The following DMRTB1 variants were observed in gnomAD, a reference collection of about 807,000 sequenced individuals.
DMRTB1 encodes DMRT like family B with proline rich C-terminal 1, also known as doublesex- and mab-3-related transcription factor B1.
A neutral mutation model predicts 25.2 loss-of-function variants in DMRTB1; 9 were observed. The ratio of observed to expected loss-of-function variants is 0.36; its 90% confidence interval spans 0.22 to 0.62. The LOEUF (loss-of-function observed/expected upper bound fraction) is 0.62. DMRTB1 is among the 20% of genes least tolerant of loss of function. The pLI is 0.71. For missense variants in DMRTB1, 551 were observed against 499.3 expected (o/e 1.10, Z -0.99); for synonymous variants, 269 against 238.1 (o/e 1.13, Z -1.20).
chr1:53,461,023 A>G (rs1487147994), intron 1 of DMRTB1, among the ~76,000 whole-genome samples: 1 of 152,166 alleles, frequency 6.6e-6, no homozygotes, highest in Non-Finnish European at 1.5e-5. Flanking sequence ...GAGCCGAACC[A>G]TGAGCCAGGC....
Position 53,461,646 on chromosome 1 carries a change from G to T in DMRTB1, c.750+1G>T. ...CAGCCAGTACCAAGGCGGAGGCTTG[G>T]TGAGTCCCACCCCTCACTTCTTGCC... On this transcript the variant is annotated splice_donor_variant, in intron 2 of 3. Coordinates refer to ENST00000371445, the MANE Select transcript of DMRTB1 (RefSeq NM_033067.3). LOFTEE classifies it high-confidence loss of function. The T allele has an allele frequency of 6.3e-7, 1 of 1,580,428 alleles. No individual in the cohort carries two copies. The highest frequency in any genetic ancestry group is 8.6e-7 in the Non-Finnish European group (1 of 1,164,038).
At chr1:53,460,720 C>G (rs1054503710) in intron 1 of DMRTB1, among the ~76,000 whole-genome samples, 1 of 152,220 alleles carries the variant, frequency 6.6e-6, no homozygotes, top group Admixed American at 6.5e-5. Flanking sequence ...ACATTTGAAG[C>G]TTTAGAAGCC....
In DMRTB1 at chr1:53,459,578, T is replaced by G. The variant is rs146660956; in HGVS notation, c.125T>G (p.Leu42Arg). Residue 42 changes from leucine to arginine, a missense_variant, in exon 1 of 4, where the codon CTG becomes CGG. Leu to Arg is a moderately radical substitution (Grantham distance 102, BLOSUM62 -2). Transcript: ENST00000371445. ...CAGTGCCTCTGCGAGAAGTGCTACC[T>G]GATCTCCGAGCGCCAGAAGATCATG... ...WKQCLCEKCY[L>R]ISERQKIMAA... 43 of 1,606,216 alleles carry G rather than the reference T, an allele frequency of 2.7e-5. No homozygotes were observed. The highest frequency in any genetic ancestry group is 3.4e-5 in the Non-Finnish European group (40 of 1,176,776).
In DMRTB1 at chr1:53,466,780, C is replaced by T; in HGVS notation, c.*118C>T. 1 of 1,005,870 alleles carries T rather than the reference C, an allele frequency of 9.9e-7. No individual in the cohort carries two copies. Among genetic ancestry groups the T allele is most frequent in the Non-Finnish European group, 1.5e-6 (1 of 651,058 alleles). The allele number at this position is 1,005,870 out of a possible 1,614,324, so 62.3% of individuals were successfully genotyped here. A position where few individuals can be genotyped will look rare whatever the true frequency, so the allele number is the denominator to read the frequency against. On this transcript the variant is annotated 3_prime_UTR_variant, in exon 4 of 4. Coordinates refer to ENST00000371445, the MANE Select transcript of DMRTB1 (RefSeq NM_033067.3). ...AGGAGGTTGATAGCATAGATGGCAA[C>T]TGATTCCCAGTTTAAGATAGGAGGA...
rs148945511 is a variant in DMRTB1 at position 53,459,604 on chromosome 1, G to A, written c.151G>A (p.Ala51Thr). 28 of 1,589,332 alleles carry A rather than the reference G, an allele frequency of 1.8e-5. No homozygotes were observed. The highest frequency in any genetic ancestry group is 2.7e-5 in the African/African-American group (2 of 74,446). The change falls in exon 1 of 4, where the codon GCC becomes ACC. Residue 51 changes from alanine to threonine, a missense_variant. Coordinates refer to ENST00000371445, the MANE Select transcript of DMRTB1 (RefSeq NM_033067.3). ...GATCTCCGAGCGCCAGAAGATCATG[G>A]CCGCGCAGAAGGTGCTCAAGACGCA... ...YLISERQKIM[A>T]AQKVLKTQAA...
chr1:53,466,702 G>T lies in DMRTB1; in HGVS notation c.*40G>T. On this transcript the variant is annotated 3_prime_UTR_variant, in exon 4 of 4. Coordinates refer to ENST00000371445, the MANE Select transcript of DMRTB1 (RefSeq NM_033067.3). ...CTCCTGGCCAGCAGAGTGGGGCACTGGGGGGCAACAGCAACAGTTTTCTTG... is the reference window on the plus strand; with the variant it reads ...CTCCTGGCCAGCAGAGTGGGGCACTTGGGGGCAACAGCAACAGTTTTCTTG... 6.3e-7 allele frequency: 1 copy of T among 1,595,628 alleles called. No individual in the cohort carries two copies. The highest frequency in any genetic ancestry group is 8.6e-7 in the Non-Finnish European group (1 of 1,167,424).
Position 53,459,894 on chromosome 1 carries a change from C to T in DMRTB1, c.441C>T (p.Ser147=). ...GCGGCCGCAGCCACGTGGAGCCGAG[C>T]GAGCGAGCCGCCGTGGCGATGCCCA... The part of the protein sequence containing the change: ...VLGGRSHVEP[S]ERAAVAMPSL... Residue 147 remains serine (S), a synonymous_variant, in exon 1 of 4, where the codon AGC becomes AGT. Coordinates refer to ENST00000371445, the MANE Select transcript of DMRTB1 (RefSeq NM_033067.3). The T allele has an allele frequency of 1.3e-6, 2 of 1,528,514 alleles. No homozygotes were observed. The highest frequency in any genetic ancestry group is 1.7e-6 in the Non-Finnish European group (2 of 1,147,314). The allele number at this position is 1,528,514 out of a possible 1,614,324, so 94.7% of individuals were successfully genotyped here. A position where few individuals can be genotyped will look rare whatever the true frequency, so the allele number is the denominator to read the frequency against.
Position 53,464,773 on chromosome 1 carries a change from C to G in DMRTB1, c.887C>G (p.Pro296Arg). The G allele has an allele frequency of 1.2e-6, 2 of 1,613,624 alleles. No individual in the cohort carries two copies. The highest frequency in any genetic ancestry group is 1.7e-6 in the Non-Finnish European group (2 of 1,179,736). ...TACCTCTCTGCGCTCCACTTCCTCC[C>G]CCCGCCACCGCCACCACCACCTCCA... ...PGYLSALHFLPPPPPPPPPSS... is the reference protein window; with the variant it reads ...PGYLSALHFLRPPPPPPPPSS... The change falls in exon 3 of 4, where the codon CCC becomes CGC. Residue 296 changes from proline (P) to arginine (R), a missense_variant. Transcript: ENST00000371445.
intron 1 of DMRTB1, chr1:53,460,309 G>T: frequency 2.8e-6 from 1 of 360,356 alleles, no homozygotes; most frequent in Non-Finnish European, 4.9e-6. Context: ...GCGTCCAGTC[G>T]ACTTAGCAGT....
rs1644053146 is a variant in DMRTB1 at position 53,466,840 on chromosome 1, T to C, written c.*178T>C. 1.2e-5 allele frequency: 8 copies of C among 654,052 alleles called. No individual in the cohort carries two copies. Among genetic ancestry groups the C allele is most frequent in the East Asian group, 8.1e-5 (3 of 36,970 alleles). The allele number at this position is 654,052 out of a possible 1,614,324, so 40.5% of individuals were successfully genotyped here. The stretch of plus-strand genomic sequence containing the variant: ...ATTTCTAAGTTTCAATCCTGCGCTG[T>C]ACAGTTGAAGAAGAGTGTGGAGGAA... On this transcript the variant is annotated 3_prime_UTR_variant, in exon 4 of 4. Coordinates refer to ENST00000371445, the MANE Select transcript of DMRTB1 (RefSeq NM_033067.3).
intron 3 of DMRTB1, among the ~76,000 whole-genome samples, chr1:53,465,763 C>G (rs1405391671): frequency 6.6e-6 from 1 of 152,234 alleles, no homozygotes; most frequent in East Asian, 1.9e-4. Flanking sequence ...GCTGGGTGGC[C>G]TGGGTGTGAG....
intron 3 of DMRTB1, among the ~76,000 whole-genome samples, chr1:53,466,089 A>G (rs1644048549): frequency 6.6e-6 from 1 of 152,226 alleles, no homozygotes; most frequent in Non-Finnish European, 1.5e-5. Context: ...TGGAACTTGA[A>G]TCTGAATCAC....
At chr1:53,464,927 G>A in intron 3 of DMRTB1, 80 bp downstream of exon 3, 2 of 1,569,544 alleles carry the variant, frequency 1.3e-6, no homozygotes, top group Non-Finnish European at 1.7e-6. Context: ...CTGAAGAAAG[G>A]TTAGGTGTGG....
chr1:53,460,165 C>G (rs1177712622), intron 1 of DMRTB1, 135 bp downstream of exon 1: 90 of 1,250,364 alleles, frequency 7.2e-5, no homozygotes, highest in Non-Finnish European at 9.1e-5. Flanking sequence ...TTTGAGAAAC[C>G]CTTCTTCGAA....
intron 3 of DMRTB1, 95 bp downstream of exon 3, chr1:53,464,942 A>G (rs1644043343): frequency 6.5e-7 from 1 of 1,539,132 alleles, no homozygotes; most frequent in Non-Finnish European, 8.9e-7. Flanking sequence ...GTGTGGAGAG[A>G]AGGGACATGG....
chr1:53,461,478 C>T lies in DMRTB1; in HGVS notation c.583C>T (p.Pro195Ser). The T allele has an allele frequency of 6.3e-7, 1 of 1,588,612 alleles. No individual in the cohort carries two copies. The highest frequency in any genetic ancestry group is 1.1e-5 in the South Asian group (1 of 87,486). ...PGPLFTDFVR[P>S]LNINPDRALG... ...TCCTTGCTTGCGTTCTTTAGTGCGC[C>T]CTCTGAACATCAACCCGGACCGTGC... Residue 195 changes from proline to serine, a missense_variant, in exon 2 of 4, where the codon CCT (proline) becomes TCT (serine). By Grantham distance (74) the Pro-to-Ser change is moderately conservative. Coordinates refer to ENST00000371445, the MANE Select transcript of DMRTB1 (RefSeq NM_033067.3).
intron 2 of DMRTB1, among the ~76,000 whole-genome samples, chr1:53,464,122 G>A (rs1434501814): frequency 6.6e-6 from 1 of 152,168 alleles, no homozygotes; most frequent in Non-Finnish European, 1.5e-5. Flanking sequence ...GTCACCACAT[G>A]TGCCAGACAG....
chr1:53,463,563 A>T (rs1307243602), intron 2 of DMRTB1, among the ~76,000 whole-genome samples: 9 of 152,318 alleles, frequency 5.9e-5, no homozygotes, highest in African/African-American at 2.2e-4. Context: ...TAGGTACTTA[A>T]AAGTGAGATT....
At position 53,466,911 on chromosome 1, in the gene DMRTB1, A is replaced by G; in HGVS notation, c.*249A>G. The G allele has an allele frequency of 1.9e-6, 1 of 515,114 alleles. No homozygotes were observed. 31.9% of individuals were successfully genotyped at this position (515,114 alleles called of 1,614,324 possible). A position where few individuals can be genotyped will look rare whatever the true frequency, so the allele number is the denominator to read the frequency against. On this transcript the variant is annotated 3_prime_UTR_variant, in exon 4 of 4. Coordinates refer to ENST00000371445, the MANE Select transcript of DMRTB1 (RefSeq NM_033067.3). The stretch of plus-strand genomic sequence containing the variant: ...AGGGCTCTGAGGAGTGGGCGCTGGG[A>G]GAAGCTCCCATTTAGGAATGAATTT...
Sources: allele counts gnomAD v4.1 joint callset (sites outside exome capture counted in the v4.1 genomes callset), GRCh38; gene constraint gnomAD v4.1.1; transcripts MANE v1.5; gene names NCBI Gene and HGNC (gene_info 2026-07-23, HGNC 2026-07-21).